ACOX3: variants seen among roughly 807,000 people sequenced by gnomAD.
The protein encoded by ACOX3 is peroxisomal acyl-coenzyme A oxidase 3.
In ACOX3, 73 loss-of-function variants were observed where a neutral mutation model predicts 81.5. The observed-to-expected ratio is 0.90, with a 90% confidence interval of 0.74 to 1.09. ACOX3 has a LOEUF of 1.09. Ranked by LOEUF, ACOX3 falls within the 50% of genes least tolerant of loss-of-function variation. The pLI is 0.00. For missense variants in ACOX3, 947 were observed against 928.0 expected, an observed-to-expected ratio of 1.02 and a Z score of -0.27; for synonymous variants, 387 against 375.1, an observed-to-expected ratio of 1.03 and a Z score of -0.37.
In ACOX3 at chr4:8,372,520, G is replaced by T. The variant is rs569841631; in HGVS notation, c.1896+1041C>A. On this transcript the variant is annotated intron_variant, in intron 16 of 17. Coordinates refer to ENST00000356406, the MANE Select transcript of ACOX3 (RefSeq NM_003501.3). Reference sequence around the variant, plus strand: ...ATGGGGTCAACACTGCCCCAAGGGGGTAAAATTTGGCTCTTGGAGGAGCCA... The same window carrying T: ...ATGGGGTCAACACTGCCCCAAGGGGTTAAAATTTGGCTCTTGGAGGAGCCA... Among the ~76,000 whole-genome samples, 158 of 152,218 alleles carry T rather than the reference G, an allele frequency of 1.0e-3. 5 individuals carry two copies. The highest frequency in any genetic ancestry group is 4.7e-4 in the Non-Finnish European group (32 of 68,044).
At chr4:8,380,149 T>G (rs1201717102) in intron 14 of ACOX3, among the ~76,000 whole-genome samples, 2 of 151,890 alleles carry the variant, frequency 1.3e-5, no homozygotes, top group Non-Finnish European at 2.9e-5. Flanking sequence ...GGCCACCTGC[T>G]GACTTCATTT....
At chr4:8,422,329 T>C (rs936855411) in intron 1 of ACOX3, among the ~76,000 whole-genome samples, 1 of 152,204 alleles carries the variant, frequency 6.6e-6, no homozygotes, top group Non-Finnish European at 1.5e-5. Context: ...AAACCTATAA[T>C]TGATAATTGA....
chr4:8,416,113 A>G lies in ACOX3; in HGVS notation c.145-114T>C, dbSNP rs1722302625. 1.8e-6 allele frequency: 2 copies of G among 1,090,576 alleles called. No homozygotes were observed. Among genetic ancestry groups the G allele is most frequent in the African/African-American group, 1.6e-5 (1 of 63,510 alleles). The allele number at this position is 1,090,576 out of a possible 1,614,324, so 67.6% of individuals were successfully genotyped here. The stretch of plus-strand genomic sequence containing the variant: ...CTTCATGGGACACAGTCTGACCCGG[A>G]GACACCCAGACAGAGATATGACTAT... On this transcript the variant is annotated intron_variant, in intron 2 of 17. Coordinates refer to ENST00000356406, the MANE Select transcript of ACOX3 (RefSeq NM_003501.3). This position sits in a 1 kb window ranked among gnomAD's most constrained non-coding sequence, Gnocchi z 4.2.
chr4:8,355,824 C>T, the ACOX3 span: 5 of 153,394 alleles, frequency 3.3e-5, no homozygotes, highest in African/African-American at 1.2e-4. Flanking sequence ...AAATATCTTA[C>T]AAGCCAACAA....
rs1184973018 is a variant in ACOX3, at chr4:8,382,991, A to C, written c.1538-1384T>G. Among the ~76,000 whole-genome samples the C allele has an allele frequency of 3.3e-5, 2 of 59,976 alleles. No homozygotes were observed. Among genetic ancestry groups the C allele is most frequent in the Admixed American group, 3.4e-4 (2 of 5,872 alleles). The allele number at this position is 59,976 out of a possible 152,430, so 39.3% of individuals were successfully genotyped here. ...GGGCGACAGAGCGAGACTCCGTCTCAAAAAAAAAAAAAAAAGAAAAGAAAA... is the reference window on the plus strand; with the variant it reads ...GGGCGACAGAGCGAGACTCCGTCTCCAAAAAAAAAAAAAAAGAAAAGAAAA... On this transcript the variant is annotated intron_variant, in intron 13 of 17. Coordinates refer to ENST00000356406, the MANE Select transcript of ACOX3 (RefSeq NM_003501.3). This position sits in a 1 kb window ranked among gnomAD's most constrained non-coding sequence, Gnocchi z 4.1.
chr4:8,368,980 A>G lies in ACOX3; in HGVS notation c.1984-1900T>C, dbSNP rs1715817379. 6.6e-6 allele frequency among the ~76,000 whole-genome samples: 1 copy of G among 152,158 alleles called. No homozygotes were observed. The highest frequency in any genetic ancestry group is 6.5e-5 in the Admixed American group (1 of 15,274). ...CAGGTGTGAGCCACCATGCTCAGCC[A>G]GGAATGCACGTTTAATAAACCATCC... is the stretch of plus-strand genomic sequence containing the variant. On this transcript the variant is annotated intron_variant, in intron 17 of 17. Coordinates refer to ENST00000356406, the MANE Select transcript of ACOX3 (RefSeq NM_003501.3). The surrounding 1 kb of genome is among the most constrained non-coding windows in gnomAD (Gnocchi z 5.9).
Position 8,399,624 on chromosome 4 carries a change from G to GAACTC in ACOX3, c.800_804dup (p.Pro269GlufsTer8). 1 of 1,614,176 alleles carries GAACTC rather than the reference G, an allele frequency of 6.2e-7. No individual in the cohort carries two copies. Among genetic ancestry groups the GAACTC allele is most frequent in the Non-Finnish European group, 8.5e-7 (1 of 1,180,040 alleles). ...ATCCGGTTCAGAAGGCTCTGGCGAGGAACTCTGACCTTGTGGAACATGGCG... is the reference window on the plus strand; with the variant it reads ...ATCCGGTTCAGAAGGCTCTGGCGAGGAACTCAACTCTGACCTTGTGGAACATGGCG... On this transcript the variant is annotated frameshift_variant, in exon 8 of 18. Transcript: ENST00000356406. LOFTEE classifies it high-confidence loss of function. This position sits in a 1 kb window ranked among gnomAD's most constrained non-coding sequence, Gnocchi z 4.9.
rs968067255 is a variant in ACOX3 at position 8,419,876 on chromosome 4, T to C, written c.-14-3341A>G. ...TGGAATTACAAACCCCAGTGTCATG[T>C]TGGAATTCCCCTCTCCATGCGCCAT... On this transcript the variant is annotated intron_variant, in intron 1 of 17. Coordinates refer to ENST00000356406, the MANE Select transcript of ACOX3 (RefSeq NM_003501.3). The surrounding 1 kb of genome is among the most constrained non-coding windows in gnomAD (Gnocchi z 4.2). Among the ~76,000 whole-genome samples the C allele has an allele frequency of 6.6e-6, 1 of 152,176 alleles. No individual in the cohort carries two copies. Among genetic ancestry groups the C allele is most frequent in the South Asian group, 2.1e-4 (1 of 4,822 alleles).
intron 9 of ACOX3, among the ~76,000 whole-genome samples, chr4:8,395,856 A>T (rs1719637190): frequency 6.6e-6 from 1 of 152,242 alleles, no homozygotes; most frequent in Admixed American, 6.5e-5. Flanking sequence ...ATTCTGTTAC[A>T]ATTTCCTGGA....
Position 8,416,415 on chromosome 4 carries a change from G to A in ACOX3, c.107C>T (p.Ala36Val), listed in dbSNP as rs145529976. The change falls in exon 2 of 18, where the codon GCG becomes GTG. Residue 36 changes from alanine (A) to valine (V), a missense_variant. Ala to Val is a moderately conservative substitution (Grantham distance 64). Transcript: ENST00000356406. The surrounding 1 kb of genome is among the most constrained non-coding windows in gnomAD (Gnocchi z 4.2). ...CATGCCCTCCCCTTCCGTGAACAGC[G>A]CCAGCTCCTTCCAGCTGAAGGACGC... is the stretch of plus-strand genomic sequence containing the variant. Reference protein sequence around the residue: ...ARASFSWKELALFTEGEGMLR... With the variant: ...ARASFSWKELVLFTEGEGMLR... 51 of 1,614,174 alleles carry A rather than the reference G, an allele frequency of 3.2e-5. No homozygotes were observed. The highest frequency in any genetic ancestry group is 4.3e-5 in the Non-Finnish European group (51 of 1,180,024).
chr4:8,403,719 A>G (rs1205885219), intron 7 of ACOX3, among the ~76,000 whole-genome samples: 1 of 152,218 alleles, frequency 6.6e-6, no homozygotes, highest in Non-Finnish European at 1.5e-5. Context: ...TGCTCCTTTG[A>G]ATATTATCCC....
chr4:8,405,842 G>C lies in ACOX3; in HGVS notation c.776+113C>G, dbSNP rs891253397. On this transcript the variant is annotated intron_variant, in intron 7 of 17. Transcript: ENST00000356406. The surrounding 1 kb of genome is among the most constrained non-coding windows in gnomAD (Gnocchi z 7.1). The stretch of plus-strand genomic sequence containing the variant: ...AGGCGTAGGTCCCCACCGCATTTGA[G>C]TCTAAGAGGGCAGGGCATGGCATCC... 5 of 1,097,974 alleles carry C rather than the reference G, an allele frequency of 4.6e-6. No individual in the cohort carries two copies. The highest frequency in any genetic ancestry group is 6.9e-6 in the Non-Finnish European group (5 of 720,482). 68.0% of individuals were successfully genotyped at this position (1,097,974 alleles called of 1,614,324 possible).
rs1720051515 is a variant in ACOX3 at position 8,399,155 on chromosome 4, T to C, written c.873+401A>G. Among the ~76,000 whole-genome samples, 1 of 152,190 alleles carries C rather than the reference T, an allele frequency of 6.6e-6. No individual in the cohort carries two copies. Among genetic ancestry groups the C allele is most frequent in the African/African-American group, 2.4e-5 (1 of 41,456 alleles). ...TCGCTCCCCAGGACCACGGTCTCTC[T>C]TCTGCTCTCCGTGAACTTAAGCCAG... On this transcript the variant is annotated intron_variant, in intron 8 of 17. Transcript: ENST00000356406. This position sits in a 1 kb window ranked among gnomAD's most constrained non-coding sequence, Gnocchi z 4.9.
Position 8,389,044 on chromosome 4 carries a change from G to A in ACOX3, c.1537+129C>T, listed in dbSNP as rs943894463. On this transcript the variant is annotated intron_variant, in intron 13 of 17. Transcript: ENST00000356406. This position sits in a 1 kb window ranked among gnomAD's most constrained non-coding sequence, Gnocchi z 5.3. ...AGCCAGCCCAGGACAAGCTGCATGC[G>A]GGGCCTCCCACCACCACTGCTGCCC... The A allele has an allele frequency of 5.8e-6, 4 of 694,094 alleles. No individual in the cohort carries two copies. Among genetic ancestry groups the A allele is most frequent in the South Asian group, 1.8e-5 (1 of 56,590 alleles). 43.0% of individuals were successfully genotyped at this position (694,094 alleles called of 1,614,324 possible).
At chr4:8,417,875 G>T (rs1321108752) in intron 1 of ACOX3, among the ~76,000 whole-genome samples, 1 of 152,130 alleles carries the variant, frequency 6.6e-6, no homozygotes, top group Non-Finnish European at 1.5e-5. Flanking sequence ...CATCACCACT[G>T]ACCCTAAAGA....
chr4:8,386,182 G>C lies in ACOX3; in HGVS notation c.1537+2991C>G, dbSNP rs1718268104. On this transcript the variant is annotated intron_variant, in intron 13 of 17. Coordinates refer to ENST00000356406, the MANE Select transcript of ACOX3 (RefSeq NM_003501.3). This position sits in a 1 kb window ranked among gnomAD's most constrained non-coding sequence, Gnocchi z 5.2. ...GATTTTATTAATATAAGGAGTGATGGTTTTAGGAAAAAGGTATTGGTTGGG... is the reference window on the plus strand; with the variant it reads ...GATTTTATTAATATAAGGAGTGATGCTTTTAGGAAAAAGGTATTGGTTGGG... 6.6e-6 allele frequency among the ~76,000 whole-genome samples: 1 copy of C among 152,140 alleles called. No homozygotes were observed. Among genetic ancestry groups the C allele is most frequent in the African/African-American group, 2.4e-5 (1 of 41,432 alleles).
intron 5 of ACOX3, among the ~76,000 whole-genome samples, chr4:8,412,526 G>GGATGGAAGAATGAATGGACA (rs1721840848): frequency 6.6e-6 from 1 of 152,158 alleles, no homozygotes; most frequent in Non-Finnish European, 1.5e-5. Context: ...ATGAATGGAT[G>GGATGGAAGAATGAATGGACA]GATGGAAGAA....
In ACOX3 at chr4:8,423,694, G is replaced by A. The variant is rs927298721; in HGVS notation, c.-14-7159C>T. Reference sequence around the variant, plus strand: ...ACTCACTCTGCTTTCCCAAATACCAGAGGAAGCAGAGTGGTTTACAGTCCT... The same window carrying A: ...ACTCACTCTGCTTTCCCAAATACCAAAGGAAGCAGAGTGGTTTACAGTCCT... On this transcript the variant is annotated intron_variant, in intron 1 of 17. Coordinates refer to ENST00000356406, the MANE Select transcript of ACOX3 (RefSeq NM_003501.3). The surrounding 1 kb of genome is among the most constrained non-coding windows in gnomAD (Gnocchi z 4.2). Among the ~76,000 whole-genome samples the A allele has an allele frequency of 1.3e-5, 2 of 152,154 alleles. No individual in the cohort carries two copies. The highest frequency in any genetic ancestry group is 2.4e-5 in the African/African-American group (1 of 41,444).
chr4:8,427,015 G>C (rs1219261736), intron 1 of ACOX3, among the ~76,000 whole-genome samples: 9 of 152,236 alleles, frequency 5.9e-5, no homozygotes, highest in Admixed American at 3.9e-4. Context: ...CTGTTGAGAG[G>C]GGGTACTAAG....
Sources: allele counts gnomAD v4.1 joint callset (sites outside exome capture counted in the v4.1 genomes callset), GRCh38; gene constraint gnomAD v4.1.1; non-coding constraint Gnocchi (gnomAD v3.1); transcripts MANE v1.5; gene names NCBI Gene and HGNC (gene_info 2026-07-23, HGNC 2026-07-21).